Variants in TBC1D10A observed in about 807,000 individuals in gnomAD.
The protein encoded by TBC1D10A is EBP50-PDX interactor of 64 kDa.
A neutral mutation model predicts 52.9 loss-of-function variants in TBC1D10A; 24 were observed. The observed-to-expected ratio is 0.45, with a 90% CI of 0.33 to 0.64. The LOEUF is 0.64. TBC1D10A is among the 30% of genes least tolerant of loss of function. The pLI is 0.02. For synonymous variants in TBC1D10A, 278 were observed against 282.9 expected (o/e 0.98, Z 0.17); for missense variants, 602 against 687.9 (o/e 0.88, Z 1.40).
intron 1 of TBC1D10A, among the ~76,000 whole-genome samples, chr22:30,312,498 G>C (rs563698066): frequency 6.6e-6 from 1 of 152,112 alleles, no homozygotes; most frequent in East Asian, 1.9e-4. Context: ...ACCCTAGACT[G>C]GGCCACTGGG....
chr22:30,318,002 C>T (rs543172455), intron 1 of TBC1D10A, among the ~76,000 whole-genome samples: 1 of 152,322 alleles, frequency 6.6e-6, no homozygotes, highest in East Asian at 1.9e-4. Flanking sequence ...ATCACTGACA[C>T]TCTGACCCTG....
In TBC1D10A at chr22:30,297,279, C is replaced by T. The variant is rs908276508; in HGVS notation, c.418-1436G>A. 1 of 152,312 alleles carries T rather than the reference C, an allele frequency of 6.6e-6. No homozygotes were observed. Among genetic ancestry groups the T allele is most frequent in the Admixed American group, 6.5e-5 (1 of 15,282 alleles). The allele number at this position is 152,312 out of a possible 1,614,324, so 9.4% of individuals were successfully genotyped here. On this transcript the variant is annotated intron_variant, in intron 3 of 8. Transcript: ENST00000215790. This position sits in a 1 kb window ranked among gnomAD's most constrained non-coding sequence, Gnocchi z 4.3. ...GGATGCGTGCCTCTGGGGCCCCACACACCCTTGTGATGGGGGTCTGTGTAC... is the reference window on the plus strand; with the variant it reads ...GGATGCGTGCCTCTGGGGCCCCACATACCCTTGTGATGGGGGTCTGTGTAC...
intron 1 of TBC1D10A, among the ~76,000 whole-genome samples, chr22:30,309,545 GCAA>G (rs964486726): frequency 1.3e-5 from 2 of 152,188 alleles, no homozygotes; most frequent in Admixed American, 6.5e-5. Context: ...CCATTTGCTG[GCAA>G]CCCCAGCTTC....
intron 7 of TBC1D10A, 30 bp downstream of exon 7, chr22:30,293,891 G>A (rs751407764): frequency 1.9e-6 from 3 of 1,606,374 alleles, no homozygotes; most frequent in Non-Finnish European, 2.6e-6. Context: ...GCTGGGGACA[G>A]GGGTGCTCCC....
intron 1 of TBC1D10A, among the ~76,000 whole-genome samples, chr22:30,326,338 T>C (rs1038619815): frequency 6.6e-6 from 1 of 151,796 alleles, no homozygotes; most frequent in Non-Finnish European, 1.5e-5. Flanking sequence ...CCCTAAGGTC[T>C]TGGCGGCAGG....
Position 30,295,909 on chromosome 22 carries a change from C to G in TBC1D10A, c.418-66G>C. ...GGTGGGCTTTGCTGACAGGACACGG[C>G]TGCCCAGGGATTAGGGGAGGGGGCC... On this transcript the variant is annotated intron_variant, in intron 3 of 8. Transcript: ENST00000215790. 2.8e-6 allele frequency: 4 copies of G among 1,450,106 alleles called. No homozygotes were observed. In the East Asian group the frequency reaches 9.6e-5, roughly 35 times the overall value. The allele number at this position is 1,450,106 out of a possible 1,614,324, so 89.8% of individuals were successfully genotyped here.
At chr22:30,301,569 G>A (rs937686612) in intron 2 of TBC1D10A, among the ~76,000 whole-genome samples, 2 of 152,134 alleles carry the variant, frequency 1.3e-5, no homozygotes, top group African/African-American at 4.8e-5. Context: ...TCCATCCCAG[G>A]AGGATGCTTG....
chr22:30,305,073 A>G (rs1473353160), intron 1 of TBC1D10A, among the ~76,000 whole-genome samples: 3 of 152,236 alleles, frequency 2.0e-5, no homozygotes, highest in African/African-American at 7.2e-5. Context: ...ACTTGAGCCA[A>G]ACTCATTACT....
chr22:30,321,035 T>C (rs1384744357), intron 1 of TBC1D10A, among the ~76,000 whole-genome samples: 1 of 152,190 alleles, frequency 6.6e-6, no homozygotes, highest in African/African-American at 2.4e-5. Flanking sequence ...CAGATGCTGG[T>C]AGGACAAAAC....
At chr22:30,293,494 G>A (rs1419723037) in intron 8 of TBC1D10A, 157 bp downstream of exon 8, 4 of 1,118,576 alleles carry the variant, frequency 3.6e-6, no homozygotes, top group Non-Finnish European at 3.9e-6. Context: ...CTCTTCACCA[G>A]ACAGAAGGAT....
At chr22:30,319,241 T>C (rs1419865177) in intron 1 of TBC1D10A, among the ~76,000 whole-genome samples, 3 of 152,178 alleles carry the variant, frequency 2.0e-5, no homozygotes, top group African/African-American at 7.2e-5. Context: ...TTTTCCTCTG[T>C]ACTCCCAGAG....
intron 1 of TBC1D10A, among the ~76,000 whole-genome samples, chr22:30,313,176 TG>T (rs1930459838): frequency 6.6e-6 from 1 of 152,068 alleles, no homozygotes; most frequent in African/African-American, 2.4e-5. Context: ...ATGGCTTGTT[TG>T]GGGAATGTGA....
At chr22:30,310,774 C>T (rs1205771448) in intron 1 of TBC1D10A, among the ~76,000 whole-genome samples, 1 of 152,222 alleles carries the variant, frequency 6.6e-6, no homozygotes, top group Non-Finnish European at 1.5e-5. Flanking sequence ...CCCAAGGTTA[C>T]ATAGCCTGGA....
At chr22:30,324,159 G>A (rs1205101774) in intron 1 of TBC1D10A, among the ~76,000 whole-genome samples, 1 of 152,110 alleles carries the variant, frequency 6.6e-6, no homozygotes, top group Non-Finnish European at 1.5e-5. Flanking sequence ...TTAATCTGGA[G>A]TCAGAGTCCC....
intron 1 of TBC1D10A, chr22:30,318,649 G>A (rs1383254894): frequency 2.1e-6 from 1 of 471,186 alleles, no homozygotes; most frequent in Non-Finnish European, 4.4e-6. Context: ...CTAGTCCAGA[G>A]CCTTCCTACC....
Position 30,326,824 on chromosome 22 carries a change from A to G in TBC1D10A, c.58T>C (p.Ser20Pro), listed in dbSNP as rs1930789387. 2.0e-6 allele frequency: 3 copies of G among 1,473,216 alleles called. No homozygotes were observed. Among genetic ancestry groups the G allele is most frequent in the Non-Finnish European group, 2.7e-6 (3 of 1,116,098 alleles). The allele number at this position is 1,473,216 out of a possible 1,614,324, so 91.3% of individuals were successfully genotyped here. A position where few individuals can be genotyped will look rare whatever the true frequency, so the allele number is the denominator to read the frequency against. The change falls in exon 1 of 9, where the codon TCG (serine) becomes CCG (proline). Residue 20 changes from serine (S) to proline (P), a missense_variant. Around this residue, in one of 3 missense-constraint regions of TBC1D10A, gnomAD observed 201 missense variants for 204.4 expected, o/e 0.98. Coordinates refer to ENST00000215790, the MANE Select transcript of TBC1D10A (RefSeq NM_031937.3). ...TGGGCCAGGCTCTCCCGGGTTCCCG[A>G]CAGGCTTTCCCCGGCCGCGGGCGCG... ...PRAPAAGESL[S>P]GTRESLAQGP...
chr22:30,311,617 A>G (rs985695142), intron 1 of TBC1D10A, among the ~76,000 whole-genome samples: 1 of 151,970 alleles, frequency 6.6e-6, no homozygotes, highest in Non-Finnish European at 1.5e-5. Flanking sequence ...GGTGCCCTGG[A>G]CCTCTGCCCA....
At chr22:30,299,287 G>A (rs1405415393) in intron 3 of TBC1D10A, 157 bp downstream of exon 3, 5 of 699,198 alleles carry the variant, frequency 7.2e-6, no homozygotes, top group Non-Finnish European at 1.2e-5. Context: ...GACTGGGCCG[G>A]TCTGGCCTGC....
At chr22:30,311,169 A>T (rs536866889) in intron 1 of TBC1D10A, among the ~76,000 whole-genome samples, 1 of 152,366 alleles carries the variant, frequency 6.6e-6, no homozygotes, top group East Asian at 1.9e-4. Context: ...GAATGAAGGT[A>T]TAAATGGCTT....
Sources: allele counts gnomAD v4.1 joint callset (sites outside exome capture counted in the v4.1 genomes callset), GRCh38; gene constraint gnomAD v4.1.1; regional missense constraint gnomAD v4.1.1; non-coding constraint Gnocchi (gnomAD v3.1); transcripts MANE v1.5; gene names NCBI Gene and HGNC (gene_info 2026-07-23, HGNC 2026-07-21).